RIC1: variants seen among roughly 807,000 people sequenced by gnomAD.
The protein encoded by RIC1 is RIC1 partner of RAB6A GEF complex, also known as guanine nucleotide exchange factor subunit RIC1.
A neutral mutation model predicts 169.0 loss-of-function variants in RIC1; 88 were observed. That is an observed-to-expected ratio of 0.52 (90% CI 0.44 to 0.62). The LOEUF (loss-of-function observed/expected upper bound fraction) is 0.62, where lower values mean the gene tolerates loss of function less well. Among genes scored for constraint, RIC1 ranks in the 20% least tolerant of loss-of-function variants. RIC1 has a pLI of 0.00. For synonymous variants in RIC1, 790 were observed against 601.5 expected (o/e 1.31, Z -4.59); for missense variants, 1,877 against 1,725.5 (o/e 1.09, Z -1.56).
At chr9:5,695,513 C>T (rs1821838137) in intron 3 of RIC1, among the ~76,000 whole-genome samples, 1 of 151,690 alleles carries the variant, frequency 6.6e-6, no homozygotes, top group Non-Finnish European at 1.5e-5. Context: ...CCTCGTAATT[C>T]CCAATGACAC....
At chr9:5,728,903 C>G (rs1824178121) in intron 6 of RIC1, among the ~76,000 whole-genome samples, 1 of 152,090 alleles carries the variant, frequency 6.6e-6, no homozygotes. Flanking sequence ...TTATTGAAAA[C>G]TGTGAATTTT....
intron 7 of RIC1, 103 bp from the exon 8 acceptor site, chr9:5,738,347 T>C (rs1824858473): frequency 2.7e-6 from 2 of 736,464 alleles, no homozygotes; most frequent in African/African-American, 1.8e-5. Context: ...AGTGGTTTTG[T>C]TCTAGTTTAC....
chr9:5,742,808 A>AAAAG, intron 8 of RIC1, 61 bp from the exon 9 acceptor site: 1 of 1,451,630 alleles, frequency 6.9e-7, no homozygotes, highest in Non-Finnish European at 9.4e-7. Context: ...GAAAAAAAAA[A>AAAAG]AAAAACAAGT....
intron 3 of RIC1, among the ~76,000 whole-genome samples, chr9:5,697,972 G>A (rs1822003333): frequency 6.6e-6 from 1 of 152,198 alleles, no homozygotes; most frequent in African/African-American, 2.4e-5. Flanking sequence ...TGTAGATAAG[G>A]AGACTTGAGT....
chr9:5,702,538 TTTTG>T (rs71487826), intron 3 of RIC1, among the ~76,000 whole-genome samples: 4,849 of 79,254 alleles, frequency 0.061, 260 homozygotes, highest in African/African-American at 0.32. Flanking sequence ...TTGTTTTTGT[TTTTG>T]TTTGTTTGTT....
intron 6 of RIC1, among the ~76,000 whole-genome samples, chr9:5,724,946 G>T (rs1405902991): frequency 6.6e-6 from 1 of 152,130 alleles, no homozygotes; most frequent in Admixed American, 6.6e-5. Context: ...ATGTGCTGCT[G>T]GATTCGGTTT....
At chr9:5,644,436 A>G (rs1479753113) in intron 1 of RIC1, among the ~76,000 whole-genome samples, 1 of 152,202 alleles carries the variant, frequency 6.6e-6, no homozygotes, top group African/African-American at 2.4e-5. Flanking sequence ...GTTTTTTTAC[A>G]GGGACATATT....
chr9:5,720,765 C>G lies in RIC1; in HGVS notation c.720+15C>G. ...TTACTGCAGAGGTATGACTTATTTA[C>G]TTTGAAGGGTTTTTTGTTATTGTGT... On this transcript the variant is annotated intron_variant, in intron 6 of 25. Coordinates refer to ENST00000414202, the MANE Select transcript of RIC1 (RefSeq NM_020829.4). 1 of 1,571,088 alleles carries G rather than the reference C, an allele frequency of 6.4e-7. No individual in the cohort carries two copies. The highest frequency in any genetic ancestry group is 8.6e-7 in the Non-Finnish European group (1 of 1,163,400).
In RIC1 at chr9:5,770,102, TAA is replaced by T; in HGVS notation, c.3442_3443del (p.Lys1148ValfsTer5). 6.2e-7 allele frequency: 1 copy of T among 1,612,724 alleles called. No individual in the cohort carries two copies. Among genetic ancestry groups the T allele is most frequent in the Non-Finnish European group, 8.5e-7 (1 of 1,179,414 alleles). On this transcript the variant is annotated frameshift_variant, in exon 23 of 26. Transcript: ENST00000414202. LOFTEE classifies it high-confidence loss of function. Reference sequence around the variant, plus strand: ...CACTCTGCAGTGGGAGAGCAGCTGTTAAAGTCTCAATCAGCTGACCCATTTTT... The same window carrying T: ...CACTCTGCAGTGGGAGAGCAGCTGTTAGTCTCAATCAGCTGACCCATTTTT...
At chr9:5,743,902 G>A (rs1020526325) in intron 10 of RIC1, among the ~76,000 whole-genome samples, 165 bp downstream of exon 10, 11 of 151,920 alleles carry the variant, frequency 7.2e-5, no homozygotes, top group Non-Finnish European at 1.5e-4. Context: ...CTCTCTAAGC[G>A]ATCCTCCTGC....
intron 9 of RIC1, among the ~76,000 whole-genome samples, chr9:5,743,350 G>A (rs1484007099): frequency 1.3e-5 from 2 of 152,102 alleles, no homozygotes; most frequent in African/African-American, 2.4e-5. Flanking sequence ...AGAAAGTTAC[G>A]TTATCTCATT....
intron 3 of RIC1, among the ~76,000 whole-genome samples, chr9:5,711,609 G>T (rs1822930299): frequency 6.6e-6 from 1 of 151,312 alleles, no homozygotes; most frequent in Non-Finnish European, 1.5e-5. Flanking sequence ...AAGTTCTAGG[G>T]TACATGTGCA....
rs533212052 is a variant in RIC1, at chr9:5,743,608, A to AT, written c.1047-75dup. ...ATTTTAAAGGAGCAAAATCCGTTTGATTTTTTAAAAAACACTAAATTTTAT... is the reference window on the plus strand; with the variant it reads ...ATTTTAAAGGAGCAAAATCCGTTTGATTTTTTTAAAAAACACTAAATTTTAT... On this transcript the variant is annotated intron_variant, in intron 9 of 25. Coordinates refer to ENST00000414202, the MANE Select transcript of RIC1 (RefSeq NM_020829.4). 6.7e-4 allele frequency: 791 copies of AT among 1,173,262 alleles called. 7 individuals are homozygous for AT. The African/African-American group carries it at 0.011, about 16-fold the overall frequency. 72.7% of individuals were successfully genotyped at this position (1,173,262 alleles called of 1,614,324 possible). A position where few individuals can be genotyped will look rare whatever the true frequency, so the allele number is the denominator to read the frequency against.
chr9:5,767,085 T>A (rs1354991906), intron 21 of RIC1, among the ~76,000 whole-genome samples: 1 of 152,228 alleles, frequency 6.6e-6, no homozygotes, highest in Non-Finnish European at 1.5e-5. Context: ...CAACAAACTT[T>A]TAAATTACCT....
At chr9:5,684,462 G>C (rs1206754391) in intron 2 of RIC1, among the ~76,000 whole-genome samples, 1 of 152,080 alleles carries the variant, frequency 6.6e-6, no homozygotes, top group East Asian at 1.9e-4. Flanking sequence ...CTAGTTATCA[G>C]TGTACAAGTA....
At chr9:5,678,660 CTGTT>C (rs1166119437) in intron 2 of RIC1, among the ~76,000 whole-genome samples, 1 of 152,130 alleles carries the variant, frequency 6.6e-6, no homozygotes, top group East Asian at 1.9e-4. Context: ...TGAGAAGTGT[CTGTT>C]TGTATCTTTC....
chr9:5,732,954 T>G (rs573342689), intron 7 of RIC1, among the ~76,000 whole-genome samples: 2 of 152,282 alleles, frequency 1.3e-5, no homozygotes, highest in Admixed American at 6.5e-5. Flanking sequence ...TTGAATAAAA[T>G]TATTTATTCA....
chr9:5,697,461 A>T (rs726053), intron 3 of RIC1, among the ~76,000 whole-genome samples: 1,565 of 152,304 alleles, frequency 0.01, 28 homozygotes, highest in African/African-American at 0.036. Context: ...TATTAGTAGA[A>T]TAATAAAATG....
At chr9:5,653,584 TTTTC>T (rs139617606) in intron 1 of RIC1, among the ~76,000 whole-genome samples, 115 of 150,566 alleles carry the variant, frequency 7.6e-4, no homozygotes, top group South Asian at 7.2e-3. Flanking sequence ...CCATTTATTT[TTTTC>T]TTTCTTTCTT....
Sources: allele counts gnomAD v4.1 joint callset (sites outside exome capture counted in the v4.1 genomes callset), GRCh38; gene constraint gnomAD v4.1.1; transcripts MANE v1.5; gene names NCBI Gene and HGNC (gene_info 2026-07-23, HGNC 2026-07-21).